Variants in AGR2 observed in about 807,000 individuals in gnomAD.
AGR2 encodes anterior gradient protein 2 homolog.
AGR2 carries 27 observed loss-of-function variants against 25.9 expected under a neutral mutation model. The observed-to-expected ratio is 1.04, with a 90% CI of 0.77 to 1.44. AGR2 has a LOEUF of 1.44. Among genes scored for constraint, AGR2 ranks in the 40% most tolerant of loss-of-function variants. The pLI, the probability that AGR2 is intolerant of heterozygous loss-of-function variation, is 0.00. For missense variants in AGR2, 182 were observed against 200.9 expected, an observed-to-expected ratio of 0.91 and a Z score of 0.57; for synonymous variants, 78 against 72.0, an observed-to-expected ratio of 1.08 and a Z score of -0.42.
chr7:16,799,545 T>G, intron 5 of AGR2, 199 bp downstream of exon 5: 1 of 514,580 alleles, frequency 1.9e-6, no homozygotes, highest in East Asian at 3.1e-5. Flanking sequence ...CTAAGATGAT[T>G]AATTACTAAA....
chr7:16,798,048 C>G (rs914281885), intron 5 of AGR2, among the ~76,000 whole-genome samples: 3 of 152,140 alleles, frequency 2.0e-5, no homozygotes, highest in African/African-American at 7.2e-5. Flanking sequence ...ACGGGATTTT[C>G]TTGAGTATTC....
rs1785020052 is a variant in AGR2 at position 16,794,985 on chromosome 7, T to C, written c.429A>G (p.Gly143=). 5 of 1,614,038 alleles carry C rather than the reference T, an allele frequency of 3.1e-6. No individual in the cohort carries two copies. The highest frequency in any genetic ancestry group is 1.6e-4 in the Middle Eastern group (1 of 6,084). Residue 143 remains glycine (G), a synonymous_variant, in exon 7 of 8, where the codon GGA becomes GGG. Coordinates refer to ENST00000419304, the MANE Select transcript of AGR2 (RefSeq NM_006408.4). ...AAGCATAGAGACGATTTGAATATCT[T>C]CCAGTGATATCGGCTCTAACTGTCA... ...PSLTVRADIT[G]RYSNRLYAYE...
At chr7:16,797,388 T>C (rs1251917049) in intron 6 of AGR2, among the ~76,000 whole-genome samples, 8 of 152,186 alleles carry the variant, frequency 5.3e-5, no homozygotes, top group Admixed American at 2.0e-4. Context: ...TCAGAAGTAT[T>C]ATAGCAGAAG....
At position 16,801,729 on chromosome 7, in the gene AGR2, G is replaced by T. The variant is rs1190863897; in HGVS notation, c.68C>A (p.Thr23Asn). 1 of 1,613,676 alleles carries T rather than the reference G, an allele frequency of 6.2e-7. No individual in the cohort carries two copies. Among genetic ancestry groups the T allele is most frequent in the Admixed American group, 1.7e-5 (1 of 59,948 alleles). Residue 23 changes from threonine (T) to asparagine (N), a missense_variant, in exon 2 of 8, where the codon ACC becomes AAC. Coordinates refer to ENST00000419304, the MANE Select transcript of AGR2 (RefSeq NM_006408.4). ...VALSYTLARDTTVKPGAKKDT... is the reference protein window; with the variant it reads ...VALSYTLARDNTVKPGAKKDT... ...CTTTTTGGCTCCAGGTTTGACTGTG[G>T]TATCTCTGGCCAGAGTGTAGGAGAG... is the stretch of plus-strand genomic sequence containing the variant.
chr7:16,798,947 T>C (rs1341527716), intron 5 of AGR2, among the ~76,000 whole-genome samples: 1 of 152,158 alleles, frequency 6.6e-6, no homozygotes, highest in Non-Finnish European at 1.5e-5. Context: ...AATTTGGAAG[T>C]TGTTTCATGT....
At chr7:16,794,819 C>G (rs773766967) in intron 7 of AGR2, 117 bp downstream of exon 7, 2 of 1,558,902 alleles carry the variant, frequency 1.3e-6, no homozygotes, top group African/African-American at 2.7e-5. Context: ...CAAACTGAGT[C>G]CGAGGCGTCC....
At chr7:16,798,342 T>C (rs549957705) in intron 5 of AGR2, among the ~76,000 whole-genome samples, 1 of 152,260 alleles carries the variant, frequency 6.6e-6, no homozygotes, top group African/African-American at 2.4e-5. Flanking sequence ...AGACACTTCA[T>C]GCAGGGGGAA....
chr7:16,796,457 C>G (rs776628387), intron 6 of AGR2, among the ~76,000 whole-genome samples: 1 of 152,140 alleles, frequency 6.6e-6, no homozygotes, highest in Non-Finnish European at 1.5e-5. Flanking sequence ...TTTGTACATT[C>G]AGTGTAAACT....
chr7:16,792,273 A>G lies in AGR2; in HGVS notation c.*635T>C, dbSNP rs1429076600. On this transcript the variant is annotated 3_prime_UTR_variant, in exon 8 of 8. Transcript: ENST00000419304. Reference sequence around the variant, plus strand: ...TTCTACTAAATTAGACCTCTGAAGGAGAAAGCTACTTGCCAGAGGCTTTCC... The same window carrying G: ...TTCTACTAAATTAGACCTCTGAAGGGGAAAGCTACTTGCCAGAGGCTTTCC... 1 of 152,340 alleles carries G rather than the reference A, an allele frequency of 6.6e-6. No homozygotes were observed. Among genetic ancestry groups the G allele is most frequent in the Admixed American group, 6.5e-5 (1 of 15,288 alleles). 9.4% of individuals were successfully genotyped at this position (152,340 alleles called of 1,614,324 possible). A position where few individuals can be genotyped will look rare whatever the true frequency, so the allele number is the denominator to read the frequency against.
chr7:16,801,899 C>T (rs2115360499), intron 1 of AGR2, 96 bp from the exon 2 acceptor site: 1 of 1,061,142 alleles, frequency 9.4e-7, no homozygotes, highest in Middle Eastern at 2.8e-4. Context: ...ATACCAGAAA[C>T]TGAGGCTCTG....
Position 16,792,646 on chromosome 7 carries a change from A to G in AGR2, c.*262T>C. The G allele has an allele frequency of 4.8e-6, 2 of 414,054 alleles. No homozygotes were observed. Among genetic ancestry groups the G allele is most frequent in the East Asian group, 4.1e-5 (1 of 24,340 alleles). 25.6% of individuals were successfully genotyped at this position (414,054 alleles called of 1,614,324 possible). A position where few individuals can be genotyped will look rare whatever the true frequency, so the allele number is the denominator to read the frequency against. ...ACCACTGTGAAAGACCAAGTTGGAG[A>G]AAACAGAACACCCCCAAAACATTTA... On this transcript the variant is annotated 3_prime_UTR_variant, in exon 8 of 8. Transcript: ENST00000419304.
intron 7 of AGR2, among the ~76,000 whole-genome samples, chr7:16,793,329 G>A (rs1015536006): frequency 9.2e-5 from 14 of 152,298 alleles, no homozygotes; most frequent in South Asian, 2.1e-4. Context: ...GATTACAGGC[G>A]TGAGCCACTG....
intron 7 of AGR2, 100 bp from the exon 8 acceptor site, chr7:16,793,057 G>T: frequency 1.7e-6 from 2 of 1,187,236 alleles, no homozygotes; most frequent in Non-Finnish European, 2.5e-6. Flanking sequence ...TTAATGGGAT[G>T]CTTTTTTTTT....
At position 16,792,793 on chromosome 7, in the gene AGR2, A is replaced by G. The variant is rs554521706; in HGVS notation, c.*115T>C. ...TAAAAAATAGTTGTTGTAACATTAA[A>G]CCATAACCTAATCAGTGTGTTCACT... On this transcript the variant is annotated 3_prime_UTR_variant, in exon 8 of 8. Transcript: ENST00000419304. The G allele has an allele frequency of 1.2e-5, 12 of 970,428 alleles. No individual in the cohort carries two copies. The highest frequency in any genetic ancestry group is 1.8e-5 in the Non-Finnish European group (11 of 610,002). 60.1% of individuals were successfully genotyped at this position (970,428 alleles called of 1,614,324 possible). A position where few individuals can be genotyped will look rare whatever the true frequency, so the allele number is the denominator to read the frequency against.
chr7:16,799,516 A>C, intron 5 of AGR2: 1 of 467,460 alleles, frequency 2.1e-6, no homozygotes. Flanking sequence ...TGACTACGGG[A>C]GATAATTTTT....
At chr7:16,798,471 G>C (rs76933462) in intron 5 of AGR2, among the ~76,000 whole-genome samples, 1 of 152,104 alleles carries the variant, frequency 6.6e-6, no homozygotes, top group African/African-American at 2.4e-5. Context: ...TTCAGGGGCC[G>C]GCTTAGGAAT....
At position 16,792,780 on chromosome 7, in the gene AGR2, G is replaced by T. The variant is rs1784984068; in HGVS notation, c.*128C>A. On this transcript the variant is annotated 3_prime_UTR_variant, in exon 8 of 8. Coordinates refer to ENST00000419304, the MANE Select transcript of AGR2 (RefSeq NM_006408.4). The stretch of plus-strand genomic sequence containing the variant: ...AACTTGTTTTTCTTAAAAAATAGTT[G>T]TTGTAACATTAAACCATAACCTAAT... The T allele has an allele frequency of 2.3e-5, 20 of 867,926 alleles. No homozygotes were observed. The South Asian group carries it at 2.7e-4, about 12-fold the overall frequency. 53.8% of individuals were successfully genotyped at this position (867,926 alleles called of 1,614,324 possible). A position where few individuals can be genotyped will look rare whatever the true frequency, so the allele number is the denominator to read the frequency against.
Position 16,801,820 on chromosome 7 carries a change from A to G in AGR2, c.-7-17T>C, listed in dbSNP as rs1448601022. 2 of 1,595,338 alleles carry G rather than the reference A, an allele frequency of 1.3e-6. No individual in the cohort carries two copies. Among genetic ancestry groups the G allele is most frequent in the Admixed American group, 3.4e-5 (2 of 58,270 alleles). On this transcript the variant is annotated splice_polypyrimidine_tract_variant and intron_variant, in intron 1 of 7. Transcript: ENST00000419304. ...ATGGCAACTCTAGTATGGAAAACCA[A>G]CCAAAATCAGTAAACAAAATTGAAC...
intron 6 of AGR2, among the ~76,000 whole-genome samples, chr7:16,797,367 G>T (rs1419935278): frequency 6.6e-6 from 1 of 152,218 alleles, no homozygotes. Flanking sequence ...AGTGAATAGG[G>T]TGCTTTGTTC....
Sources: allele counts gnomAD v4.1 joint callset (sites outside exome capture counted in the v4.1 genomes callset), GRCh38; gene constraint gnomAD v4.1.1; transcripts MANE v1.5; gene names NCBI Gene and HGNC (gene_info 2026-07-23, HGNC 2026-07-21).